Variants in RANBP3L observed in about 807,000 individuals in gnomAD.
RANBP3L encodes the protein RAN binding protein 3 like.
In RANBP3L, 56 loss-of-function variants were observed where a neutral mutation model predicts 67.2. The ratio of observed to expected loss-of-function variants is 0.83; its 90% CI spans 0.67 to 1.04. The LOEUF is 1.04. Among genes scored for constraint, RANBP3L ranks in the 50% least tolerant of loss-of-function variants. The probability of loss-of-function intolerance (pLI) is 0.00; values close to 1 mark genes in which losing one functional copy is unlikely to be tolerated. For missense variants in RANBP3L, 496 were observed against 535.5 expected, an observed-to-expected ratio of 0.93 and a Z score of 0.73; for synonymous variants, 164 against 181.4, an observed-to-expected ratio of 0.90 and a Z score of 0.77.
intron 13 of RANBP3L, among the ~76,000 whole-genome samples, chr5:36,250,076 G>A (rs1161476905): frequency 6.6e-6 from 1 of 151,732 alleles, no homozygotes; most frequent in Non-Finnish European, 1.5e-5. Flanking sequence ...TAGTTACATA[G>A]CACCCCTTTC....
rs1749661951 is a variant in RANBP3L, at chr5:36,265,049, T to C, written c.390A>G (p.Leu130=). The change falls in exon 6 of 14, where the codon CTA becomes CTG. Residue 130 remains leucine (L), a synonymous_variant. Coordinates refer to ENST00000296604, the MANE Select transcript of RANBP3L (RefSeq NM_145000.5). ...CTTTTGCACAACTTCGAGCTTGAGG[T>C]AGCTGCAAAATAGCAGGTCTAATAA... ...KHVIRPAILQ[L]PQARSCAKVR... 6.2e-7 allele frequency: 1 copy of C among 1,612,768 alleles called. No homozygotes were observed. The highest frequency in any genetic ancestry group is 1.3e-5 in the African/African-American group (1 of 74,912).
At chr5:36,299,386 T>C (rs898954027) in intron 1 of RANBP3L, among the ~76,000 whole-genome samples, 3 of 151,498 alleles carry the variant, frequency 2.0e-5, no homozygotes, top group African/African-American at 7.3e-5. Context: ...ATTAGTTCTG[T>C]CCCTCTAGAG....
chr5:36,275,011 G>C (rs1311720597), intron 1 of RANBP3L, among the ~76,000 whole-genome samples: 1 of 152,074 alleles, frequency 6.6e-6, no homozygotes, highest in Admixed American at 6.6e-5. Context: ...TATTTTGCTT[G>C]TTTTGAGATT....
At chr5:36,256,718 T>C in intron 10 of RANBP3L, 2 of 518,524 alleles carry the variant, frequency 3.9e-6, no homozygotes, top group Middle Eastern at 4.9e-4. Flanking sequence ...ATGTGAATAG[T>C]TGTAAACCTA....
chr5:36,299,082 CA>C (rs34418838), intron 1 of RANBP3L, among the ~76,000 whole-genome samples: 1 of 151,778 alleles, frequency 6.6e-6, no homozygotes, highest in Admixed American at 6.6e-5. Flanking sequence ...ACAAAGCAGG[CA>C]AAAAAACGTG....
chr5:36,281,372 C>T (rs1395168920), intron 1 of RANBP3L, among the ~76,000 whole-genome samples: 3 of 152,306 alleles, frequency 2.0e-5, no homozygotes, highest in South Asian at 4.1e-4. Flanking sequence ...CCCTTTTGCT[C>T]ATGAGAGAAC....
Position 36,256,984 on chromosome 5 carries a change from A to C in RANBP3L, c.860T>G (p.Ile287Ser). 1 of 1,613,144 alleles carries C rather than the reference A, an allele frequency of 6.2e-7. No homozygotes were observed. The highest frequency in any genetic ancestry group is 8.5e-7 in the Non-Finnish European group (1 of 1,179,388). The change falls in exon 10 of 14, where the codon ATT becomes AGT. Residue 287 changes from isoleucine to serine, a missense_variant. By Grantham distance (142) the Ile-to-Ser change is moderately radical. Transcript: ENST00000296604. ...TGTTTCCTCCCCTGTTATAACATCA[A>C]TTTTCTCCAGCAAGCATTTTCGTGA... ...QPSRKCLLEK[I>S]DVITGEETEH...
At chr5:36,250,132 T>A (rs1051072419) in intron 13 of RANBP3L, among the ~76,000 whole-genome samples, 3 of 152,134 alleles carry the variant, frequency 2.0e-5, no homozygotes, top group Admixed American at 1.3e-4. Context: ...ACATGTGTCA[T>A]TAGTTAGTGA....
rs1748578820 is a variant in RANBP3L at position 36,251,349 on chromosome 5, C to T, written c.1318G>A (p.Glu440Lys). The part of the protein sequence containing the change: ...QLNCESCDEN[E>K]DDFIQVTKNG... ...TTAGTGACTTGGATGAAATCATCCT[C>T]ATTCTCATCACAGCTTTCGCAGTTC... The change falls in exon 13 of 14, where the codon GAG (glutamate) becomes AAG (lysine). Residue 440 changes from glutamate (E) to lysine (K), a missense_variant. Transcript: ENST00000296604. 1.2e-6 allele frequency: 2 copies of T among 1,613,030 alleles called. No individual in the cohort carries two copies. Among genetic ancestry groups the T allele is most frequent in the South Asian group, 1.1e-5 (1 of 90,968 alleles).
At chr5:36,265,315 A>G in intron 5 of RANBP3L, 134 bp downstream of exon 5, 1 of 687,444 alleles carries the variant, frequency 1.5e-6, no homozygotes. Context: ...AACCTGGCTT[A>G]CTTGCATTAT....
chr5:36,268,494 CA>C (rs1182402771), intron 4 of RANBP3L, among the ~76,000 whole-genome samples: 9 of 152,056 alleles, frequency 5.9e-5, no homozygotes, highest in Non-Finnish European at 1.5e-5. Context: ...AAGACACTAT[CA>C]ACCATGAAGA....
intron 1 of RANBP3L, among the ~76,000 whole-genome samples, chr5:36,284,046 C>T (rs867393899): frequency 1.3e-5 from 2 of 151,712 alleles, no homozygotes; most frequent in Non-Finnish European, 2.9e-5. Context: ...TGCAATGGCA[C>T]GATCTTGGCT....
intron 6 of RANBP3L, among the ~76,000 whole-genome samples, chr5:36,262,338 T>C (rs1749458404): frequency 6.6e-6 from 1 of 152,160 alleles, no homozygotes; most frequent in African/African-American, 2.4e-5. Flanking sequence ...AATCCCACCA[T>C]GTTTTGTTTA....
At chr5:36,297,194 C>G (rs978346213) in intron 1 of RANBP3L, among the ~76,000 whole-genome samples, 2 of 151,770 alleles carry the variant, frequency 1.3e-5, no homozygotes, top group African/African-American at 4.8e-5. Flanking sequence ...ATAAAATAAG[C>G]TAGAGAAAAA....
At chr5:36,280,339 T>G (rs1750886196) in intron 1 of RANBP3L, among the ~76,000 whole-genome samples, 1 of 152,194 alleles carries the variant, frequency 6.6e-6, no homozygotes, top group South Asian at 2.1e-4. Flanking sequence ...AACTCCAAAC[T>G]GTGCTGCTTC....
At chr5:36,281,855 A>G (rs755039410) in intron 1 of RANBP3L, among the ~76,000 whole-genome samples, 2 of 152,344 alleles carry the variant, frequency 1.3e-5, no homozygotes, top group Non-Finnish European at 2.9e-5. Context: ...TTGACAGGGC[A>G]CACCCATTTC....
intron 1 of RANBP3L, among the ~76,000 whole-genome samples, chr5:36,282,097 A>G (rs1379776875): frequency 6.6e-6 from 1 of 152,146 alleles, no homozygotes. Context: ...TCAACCTGAT[A>G]CCATTTGGAA....
At position 36,249,405 on chromosome 5, in the gene RANBP3L, ACTT is replaced by A. The variant is rs1160043058; in HGVS notation, c.*246_*248del. 6 of 273,416 alleles carry A rather than the reference ACTT, an allele frequency of 2.2e-5. No homozygotes were observed. Among genetic ancestry groups the A allele is most frequent in the African/African-American group, 1.1e-4 (5 of 45,368 alleles). The allele number at this position is 273,416 out of a possible 1,614,324, so 16.9% of individuals were successfully genotyped here. On this transcript the variant is annotated 3_prime_UTR_variant, in exon 14 of 14. Transcript: ENST00000296604. ...AGTTATAAAATCCTATTCTAAATAA[ACTT>A]CTTCAAAAATGATAAATTTTGAACT... is the stretch of plus-strand genomic sequence containing the variant.
intron 1 of RANBP3L, among the ~76,000 whole-genome samples, chr5:36,290,898 A>ATTTTTT (rs758051439): frequency 8.3e-6 from 1 of 120,882 alleles, no homozygotes; most frequent in Non-Finnish European, 1.7e-5. Flanking sequence ...TGCCTGGCTA[A>ATTTTTT]TTTTTTTTTT....
Sources: gnomAD v4.1 joint callset for allele counts (sites outside exome capture counted in the v4.1 genomes callset) on GRCh38, gnomAD v4.1.1 for gene constraint, MANE v1.5 for transcripts, NCBI Gene and HGNC (gene_info 2026-07-23, HGNC 2026-07-21) for gene names.